Variants in CCDC7 observed in about 807,000 individuals in gnomAD.
CCDC7 encodes the protein coiled-coil domain containing 7.
CCDC7 carries 183 observed loss-of-function variants against 196.9 expected under a neutral mutation model. The ratio of observed to expected loss-of-function variants is 0.93; its 90% CI spans 0.82 to 1.05. The LOEUF (loss-of-function observed/expected upper bound fraction) is 1.05, where lower values mean the gene tolerates loss of function less well. Ranked by LOEUF, CCDC7 falls within the 50% of genes least tolerant of loss-of-function variation. CCDC7 has a pLI of 0.00. For missense variants in CCDC7, 1,540 were observed against 1,482.2 expected (o/e 1.04, Z -0.64); for synonymous variants, 525 against 484.6 (o/e 1.08, Z -1.10).
At chr10:32,757,622 T>A (rs1176560738) in intron 28 of CCDC7, among the ~76,000 whole-genome samples, 3 of 152,224 alleles carry the variant, frequency 2.0e-5, no homozygotes, top group African/African-American at 7.2e-5. Context: ...GGGAAACTTA[T>A]AGCACTAAAT....
chr10:32,799,768 A>G (rs921680414), intron 29 of CCDC7, among the ~76,000 whole-genome samples: 1 of 152,102 alleles, frequency 6.6e-6, no homozygotes, highest in Admixed American at 6.6e-5. Context: ...GCTACTTCTC[A>G]CTCTCTGGAT....
At chr10:32,870,197 T>C (rs568710993) in intron 41 of CCDC7, among the ~76,000 whole-genome samples, 3 of 152,274 alleles carry the variant, frequency 2.0e-5, no homozygotes, top group African/African-American at 7.2e-5. Context: ...GTATGGCCAT[T>C]TTCACGATTC....
At chr10:32,735,025 A>G (rs1035682134) in intron 28 of CCDC7, among the ~76,000 whole-genome samples, 2 of 152,068 alleles carry the variant, frequency 1.3e-5, no homozygotes, top group Admixed American at 6.6e-5. Context: ...TGTGATAAGT[A>G]TTTACACAGT....
At chr10:32,855,778 A>G (rs1174194816) in intron 41 of CCDC7, among the ~76,000 whole-genome samples, 1 of 152,218 alleles carries the variant, frequency 6.6e-6, no homozygotes, top group African/African-American at 2.4e-5. Flanking sequence ...AGTCAAAATA[A>G]TCTTGACAAA....
At chr10:32,515,174 A>G (rs961058395) in intron 9 of CCDC7, among the ~76,000 whole-genome samples, 3 of 152,212 alleles carry the variant, frequency 2.0e-5, no homozygotes, top group African/African-American at 7.2e-5. Flanking sequence ...TGCAGATTCA[A>G]TGTAATTACT....
intron 8 of CCDC7, among the ~76,000 whole-genome samples, chr10:32,475,686 T>C (rs940612320): frequency 1.7e-4 from 26 of 152,238 alleles, no homozygotes; most frequent in African/African-American, 5.3e-4. Flanking sequence ...TCTCTGTTGC[T>C]GTATTTCACT....
chr10:32,538,872 G>T (rs1173408093), intron 11 of CCDC7, among the ~76,000 whole-genome samples: 1 of 152,098 alleles, frequency 6.6e-6, no homozygotes, highest in Non-Finnish European at 1.5e-5. Context: ...ATGTGCTTCT[G>T]GAAGCAGTTT....
chr10:32,743,159 T>C (rs919449243), intron 28 of CCDC7, among the ~76,000 whole-genome samples: 1 of 152,222 alleles, frequency 6.6e-6, no homozygotes, highest in Non-Finnish European at 1.5e-5. Context: ...ATGTTTTCAA[T>C]TCATTTGGGT....
intron 28 of CCDC7, among the ~76,000 whole-genome samples, chr10:32,777,852 A>G (rs1460866704): frequency 6.6e-6 from 1 of 152,204 alleles, no homozygotes; most frequent in Non-Finnish European, 1.5e-5. Context: ...TGACAGAGTG[A>G]GACTCCGTCT....
chr10:32,617,605 C>T (rs1205441746), intron 18 of CCDC7, among the ~76,000 whole-genome samples: 1 of 151,632 alleles, frequency 6.6e-6, no homozygotes, highest in Non-Finnish European at 1.5e-5. Flanking sequence ...TCTGAAGTTT[C>T]TCTTGGTATT....
chr10:32,523,137 A>C (rs188872337), intron 11 of CCDC7, among the ~76,000 whole-genome samples: 1 of 152,238 alleles, frequency 6.6e-6, no homozygotes, highest in Non-Finnish European at 1.5e-5. Flanking sequence ...TGTATTCTGC[A>C]ACCGTTGGAT....
chr10:32,787,465 A>G (rs540374184), intron 29 of CCDC7, among the ~76,000 whole-genome samples: 14 of 152,360 alleles, frequency 9.2e-5, no homozygotes, highest in South Asian at 4.1e-4. Flanking sequence ...AGAAAGATGC[A>G]TTGAATAGGG....
At chr10:32,579,236 GT>G (rs375784551) in intron 16 of CCDC7, among the ~76,000 whole-genome samples, 2 of 147,040 alleles carry the variant, frequency 1.4e-5, no homozygotes, top group Non-Finnish European at 3.0e-5. Flanking sequence ...ACTAGTTTTT[GT>G]TTTTTTTTTC....
intron 36 of CCDC7, 113 bp from the exon 38 acceptor site, chr10:32,846,263 C>T (rs958130379): frequency 9.0e-6 from 6 of 667,566 alleles, no homozygotes; most frequent in Admixed American, 5.9e-5. Flanking sequence ...CATAGTGTTA[C>T]ATTGGTGAAA....
intron 5 of CCDC7, among the ~76,000 whole-genome samples, chr10:32,465,512 C>T (rs2133775773): frequency 6.7e-6 from 1 of 150,368 alleles, no homozygotes; most frequent in South Asian, 2.1e-4. Flanking sequence ...AACACTAGTC[C>T]TTTGGCTTCT....
chr10:32,668,245 C>G (rs993026890), intron 21 of CCDC7, among the ~76,000 whole-genome samples: 1 of 152,092 alleles, frequency 6.6e-6, no homozygotes, highest in Non-Finnish European at 1.5e-5. Context: ...GCTGAAGTTG[C>G]CTATCAGCTT....
At chr10:32,505,573 C>G (rs1564486333) in intron 9 of CCDC7, among the ~76,000 whole-genome samples, 2 of 152,090 alleles carry the variant, frequency 1.3e-5, no homozygotes, top group African/African-American at 4.8e-5. Flanking sequence ...TCTCCTATGT[C>G]TACTTCTTTC....
intron 31 of CCDC7, among the ~76,000 whole-genome samples, chr10:32,822,177 G>T (rs2090359022): frequency 6.6e-6 from 1 of 152,060 alleles, no homozygotes. Flanking sequence ...GTAATTTGAA[G>T]CCCCCTAAAA....
intron 28 of CCDC7, among the ~76,000 whole-genome samples, chr10:32,765,935 C>T (rs535552553): frequency 7.1e-4 from 108 of 152,182 alleles, no homozygotes; most frequent in African/African-American, 2.4e-3. Context: ...TCTAGCAATG[C>T]ATCTTCACTG....
Sources: allele counts gnomAD v4.1 joint callset (sites outside exome capture counted in the v4.1 genomes callset), GRCh38; gene constraint gnomAD v4.1.1; transcripts MANE v1.5; gene names NCBI Gene and HGNC (gene_info 2026-07-23, HGNC 2026-07-21).